The following CNTNAP5 variants were observed in gnomAD, a reference collection of about 807,000 sequenced individuals.
CNTNAP5 encodes contactin associated protein family member 5.
Under a neutral mutation model 150.2 loss-of-function variants are expected in CNTNAP5, and 72 were observed. That is an observed-to-expected ratio of 0.48 (90% CI 0.40 to 0.58). The LOEUF is 0.58. CNTNAP5 is among the 20% of genes least tolerant of loss of function. The pLI is 0.00. For missense variants in CNTNAP5, 1,636 were observed against 1,626.2 expected (o/e 1.01, Z -0.10); for synonymous variants, 672 against 619.8 (o/e 1.08, Z -1.25).
intron 19 of CNTNAP5, among the ~76,000 whole-genome samples, chr2:124,801,378 G>C (rs1490757750): frequency 1.3e-5 from 2 of 152,150 alleles, no homozygotes; most frequent in East Asian, 3.9e-4. Context: ...AATCTAACTA[G>C]AAGGGAGACT....
chr2:124,168,524 C>A (rs930272844), intron 1 of CNTNAP5, among the ~76,000 whole-genome samples: 3 of 152,122 alleles, frequency 2.0e-5, no homozygotes, highest in African/African-American at 7.2e-5. Context: ...TTGGAGCAAA[C>A]CTGCTCCGAT....
At chr2:124,035,324 G>A (rs1360024217) in intron 1 of CNTNAP5, among the ~76,000 whole-genome samples, 1 of 151,812 alleles carries the variant, frequency 6.6e-6, no homozygotes, top group African/African-American at 2.4e-5. Context: ...CCAAGTTGCT[G>A]ATCTGCTTTC....
At chr2:124,758,949 G>A (rs1364548944) in intron 14 of CNTNAP5, among the ~76,000 whole-genome samples, 3 of 152,030 alleles carry the variant, frequency 2.0e-5, no homozygotes, top group African/African-American at 7.2e-5. Flanking sequence ...ATTTAATGTC[G>A]AGCTTATTCT....
intron 3 of CNTNAP5, among the ~76,000 whole-genome samples, chr2:124,306,314 A>G (rs1688688887): frequency 6.6e-6 from 1 of 152,122 alleles, no homozygotes; most frequent in South Asian, 2.1e-4. Flanking sequence ...CTTCACTCCC[A>G]GGCAGATCTT....
intron 21 of CNTNAP5, among the ~76,000 whole-genome samples, chr2:124,870,500 T>A (rs2104726167): frequency 6.6e-6 from 1 of 150,952 alleles, no homozygotes; most frequent in Admixed American, 6.6e-5. Flanking sequence ...CATTTTTTTA[T>A]AATGGCAAAT....
chr2:124,084,821 A>T (rs1682641084), intron 1 of CNTNAP5, among the ~76,000 whole-genome samples: 1 of 151,132 alleles, frequency 6.6e-6, no homozygotes, highest in East Asian at 1.9e-4. Flanking sequence ...TTTAGAATTG[A>T]TGTTAATTTA....
chr2:124,397,557 C>T lies in CNTNAP5; in HGVS notation c.382-19886C>T, dbSNP rs141295496. On this transcript the variant is annotated intron_variant, in intron 3 of 23. Transcript: ENST00000682447. ...ATTTCAATGTATGAATTTGCAGGAG[C>T]GTTCAGTCTATATCATCTTCTGCAA... is the stretch of plus-strand genomic sequence containing the variant. Among the ~76,000 whole-genome samples, 11 of 152,230 alleles carry T rather than the reference C, an allele frequency of 7.2e-5. No homozygotes were observed. In the East Asian group the frequency reaches 9.6e-4, roughly 13 times the overall value.
intron 10 of CNTNAP5, among the ~76,000 whole-genome samples, chr2:124,561,995 G>A (rs551843500): frequency 1.3e-5 from 2 of 152,164 alleles, no homozygotes; most frequent in African/African-American, 4.8e-5. Flanking sequence ...ATGTATCATT[G>A]TTTTTACTCT....
intron 3 of CNTNAP5, among the ~76,000 whole-genome samples, chr2:124,398,431 G>A (rs912083311): frequency 5.3e-5 from 8 of 152,130 alleles, no homozygotes; most frequent in African/African-American, 1.9e-4. Context: ...AAAAGCAGGA[G>A]ATAATTTGGA....
At chr2:124,850,674 C>T (rs974264133) in intron 19 of CNTNAP5, among the ~76,000 whole-genome samples, 1 of 152,056 alleles carries the variant, frequency 6.6e-6, no homozygotes, top group African/African-American at 2.4e-5. Flanking sequence ...TAGAGAAGTT[C>T]CTAGACCGAG....
At chr2:124,685,041 T>C (rs1296223809) in intron 13 of CNTNAP5, among the ~76,000 whole-genome samples, 1 of 152,110 alleles carries the variant, frequency 6.6e-6, no homozygotes, top group Non-Finnish European at 1.5e-5. Context: ...CCCTCATGCC[T>C]GCCATAGGAA....
At chr2:124,092,282 T>C (rs1374862286) in intron 1 of CNTNAP5, among the ~76,000 whole-genome samples, 8 of 152,226 alleles carry the variant, frequency 5.3e-5, no homozygotes, top group Admixed American at 5.2e-4. Flanking sequence ...AAAAAGACGA[T>C]AGCCATCAAG....
intron 19 of CNTNAP5, among the ~76,000 whole-genome samples, chr2:124,827,980 A>G (rs1213116375): frequency 6.6e-6 from 1 of 152,042 alleles, no homozygotes; most frequent in Non-Finnish European, 1.5e-5. Context: ...ATTGTTTCCA[A>G]TTCAGCTCCA....
chr2:124,310,387 G>A (rs1240656670), intron 3 of CNTNAP5, among the ~76,000 whole-genome samples: 1 of 152,016 alleles, frequency 6.6e-6, no homozygotes, highest in East Asian at 1.9e-4. Context: ...TACTTAGTGG[G>A]TTGGTAAACT....
intron 2 of CNTNAP5, among the ~76,000 whole-genome samples, chr2:124,225,680 GTAT>G (rs1381222138): frequency 1.3e-5 from 2 of 152,110 alleles, no homozygotes; most frequent in Admixed American, 6.6e-5. Flanking sequence ...ATACAATAGA[GTAT>G]TATTAACTAT....
intron 13 of CNTNAP5, among the ~76,000 whole-genome samples, chr2:124,739,153 C>T (rs936835350): frequency 1.1e-4 from 17 of 152,222 alleles, no homozygotes; most frequent in South Asian, 6.2e-4. Context: ...CCCCCTCTCT[C>T]TTTCTGGCTC....
intron 17 of CNTNAP5, 49 bp from the exon 18 acceptor site, chr2:124,789,853 T>C: frequency 1.9e-6 from 3 of 1,572,050 alleles, no homozygotes; most frequent in South Asian, 1.1e-5. Context: ...CCTAAATGTA[T>C]TGAGCCCTAT....
At chr2:124,670,471 T>C (rs1015531912) in intron 13 of CNTNAP5, among the ~76,000 whole-genome samples, 2 of 152,170 alleles carry the variant, frequency 1.3e-5, no homozygotes, top group African/African-American at 4.8e-5. Flanking sequence ...GATACTAGAC[T>C]GTTATCAAAC....
Position 124,129,389 on chromosome 2 carries a change from C to T in CNTNAP5, c.83-92316C>T, listed in dbSNP as rs547884080. On this transcript the variant is annotated intron_variant, in intron 1 of 23. Coordinates refer to ENST00000682447, the MANE Select transcript of CNTNAP5 (RefSeq NM_001367498.1). ...GGTTAAGCATATCTTTGCCCCACAG[C>T]CAGGCTGGGCTAAGAACTGTGTGGC... is the stretch of plus-strand genomic sequence containing the variant. Among the ~76,000 whole-genome samples the T allele has an allele frequency of 1.6e-4, 24 of 152,228 alleles. 1 individual carries two copies. Among genetic ancestry groups the T allele is most frequent in the African/African-American group, 5.3e-4 (22 of 41,542 alleles).
Sources: gnomAD v4.1 joint callset for allele counts (sites outside exome capture counted in the v4.1 genomes callset) on GRCh38, gnomAD v4.1.1 for gene constraint, MANE v1.5 for transcripts, NCBI Gene and HGNC (gene_info 2026-07-23, HGNC 2026-07-21) for gene names.